The following GBE1 variants were observed in gnomAD, a reference collection of about 807,000 sequenced individuals.
GBE1 encodes the protein 1,4-alpha-glucan branching enzyme 1.
Under a neutral mutation model 88.8 loss-of-function variants are expected in GBE1, and 70 were observed. The ratio of observed to expected loss-of-function variants is 0.79; its 90% CI spans 0.65 to 0.96. GBE1 has a LOEUF of 0.96. Ranked by LOEUF, GBE1 falls within the 40% of genes least tolerant of loss-of-function variation. GBE1 has a pLI of 0.00. For synonymous variants in GBE1, 284 were observed against 300.1 expected (o/e 0.95, Z 0.56); for missense variants, 872 against 871.0 (o/e 1.00, Z -0.01).
intron 12 of GBE1, among the ~76,000 whole-genome samples, chr3:81,554,188 G>A (rs1281702647): frequency 6.6e-6 from 1 of 151,868 alleles, no homozygotes. Flanking sequence ...ATGGTGGGGG[G>A]AAAAAAATGT....
At chr3:81,627,720 C>G (rs182622320) in intron 7 of GBE1, among the ~76,000 whole-genome samples, 1 of 148,446 alleles carries the variant, frequency 6.7e-6, no homozygotes, top group Non-Finnish European at 1.5e-5. Flanking sequence ...ATGCCAAGAA[C>G]TGTTATAAGA....
chr3:81,688,393 TCACC>T (rs141605613), intron 2 of GBE1, among the ~76,000 whole-genome samples: 142 of 152,342 alleles, frequency 9.3e-4, no homozygotes, highest in African/African-American at 3.2e-3. Context: ...TAACACAGAA[TCACC>T]CACAGAATAA....
intron 14 of GBE1, among the ~76,000 whole-genome samples, chr3:81,502,338 G>T (rs1381313169): frequency 1.3e-5 from 2 of 152,102 alleles, no homozygotes; most frequent in African/African-American, 4.8e-5. Flanking sequence ...ATAATTGGTA[G>T]CCATAAAGGA....
chr3:81,715,427 C>T (rs1705926465), intron 1 of GBE1, among the ~76,000 whole-genome samples: 1 of 152,186 alleles, frequency 6.6e-6, no homozygotes, highest in South Asian at 2.1e-4. Flanking sequence ...GAGTTGCAGA[C>T]AGTTAATTCC....
At chr3:81,691,894 C>A (rs564563366) in intron 2 of GBE1, among the ~76,000 whole-genome samples, 1 of 152,176 alleles carries the variant, frequency 6.6e-6, no homozygotes, top group South Asian at 2.1e-4. Context: ...AGAGAAAACC[C>A]CACTTCTGAC....
At chr3:81,713,516 G>A (rs2107179814) in intron 1 of GBE1, among the ~76,000 whole-genome samples, 1 of 152,208 alleles carries the variant, frequency 6.6e-6, no homozygotes, top group African/African-American at 2.4e-5. Context: ...TTTACAGGGA[G>A]CAGTTTGAAC....
At chr3:81,710,127 A>G (rs1005158989) in intron 1 of GBE1, among the ~76,000 whole-genome samples, 3 of 152,112 alleles carry the variant, frequency 2.0e-5, no homozygotes, top group Non-Finnish European at 4.4e-5. Flanking sequence ...GACATCACAC[A>G]TCATTAATCA....
At chr3:81,748,147 G>A (rs1320030990) in intron 1 of GBE1, among the ~76,000 whole-genome samples, 1 of 151,854 alleles carries the variant, frequency 6.6e-6, no homozygotes, top group Non-Finnish European at 1.5e-5. Context: ...AGTGAAAAAA[G>A]AAAAATCAAT....
chr3:81,639,134 C>A (rs2107051774), intron 7 of GBE1, among the ~76,000 whole-genome samples: 1 of 152,072 alleles, frequency 6.6e-6, no homozygotes, highest in Middle Eastern at 3.4e-3. Context: ...AAATTACAGG[C>A]AGAGTAGCTA....
chr3:81,737,944 C>G (rs144324823), intron 1 of GBE1, among the ~76,000 whole-genome samples: 6,473 of 151,972 alleles, frequency 0.043, 455 homozygotes, highest in East Asian at 0.35. Context: ...GATGTTCCCC[C>G]TCCTGTGTCC....
Position 81,670,988 on chromosome 3 carries a change from T to A in GBE1, c.314-35A>T, listed in dbSNP as rs368798063. On this transcript the variant is annotated intron_variant, in intron 2 of 15. Coordinates refer to ENST00000429644, the MANE Select transcript of GBE1 (RefSeq NM_000158.4). Reference sequence around the variant, plus strand: ...TGAAGAAGATCAGTTAACAACAGCATGATAGGACTAATAGTTAATGAATTT... The same window carrying A: ...TGAAGAAGATCAGTTAACAACAGCAAGATAGGACTAATAGTTAATGAATTT... 1.1e-5 allele frequency: 11 copies of A among 974,108 alleles called. No homozygotes were observed. In the Admixed American group the frequency reaches 2.6e-4, roughly 23 times the overall value. The allele number at this position is 974,108 out of a possible 1,614,324, so 60.3% of individuals were successfully genotyped here.
At chr3:81,584,926 T>C (rs1703781384) in intron 10 of GBE1, among the ~76,000 whole-genome samples, 1 of 152,004 alleles carries the variant, frequency 6.6e-6, no homozygotes, top group African/African-American at 2.4e-5. Context: ...GATTTGTCAC[T>C]TGTGAGGGAA....
chr3:81,728,120 C>T (rs1706137672), intron 1 of GBE1, among the ~76,000 whole-genome samples: 1 of 151,888 alleles, frequency 6.6e-6, no homozygotes, highest in Admixed American at 6.6e-5. Context: ...GACAAATGAA[C>T]CAAAAGATAT....
chr3:81,609,384 C>T (rs558571831), intron 7 of GBE1, among the ~76,000 whole-genome samples: 50 of 152,180 alleles, frequency 3.3e-4, no homozygotes, highest in African/African-American at 1.2e-3. Flanking sequence ...AGGACTGGAA[C>T]ATTGGTCTAC....
At chr3:81,609,902 T>C (rs549445834) in intron 7 of GBE1, among the ~76,000 whole-genome samples, 3 of 152,292 alleles carry the variant, frequency 2.0e-5, no homozygotes, top group South Asian at 4.1e-4. Flanking sequence ...TCAGACTTGT[T>C]ACTAACATAA....
Position 81,667,283 on chromosome 3 carries a change from G to A in GBE1, c.429+3555C>T, listed in dbSNP as rs77012535. 5.5e-3 allele frequency among the ~76,000 whole-genome samples: 836 copies of A among 152,116 alleles called. 2 individuals carry two copies. Among genetic ancestry groups the A allele is most frequent in the African/African-American group, 0.019 (798 of 41,488 alleles). ...GTGTAAAGGAATGCTTGTGATTTTC[G>A]CACATTGATTTTGTATCCTGAGACT... On this transcript the variant is annotated intron_variant, in intron 3 of 15. Transcript: ENST00000429644.
At chr3:81,515,838 G>C (rs9822535) in intron 14 of GBE1, among the ~76,000 whole-genome samples, 1 of 151,456 alleles carries the variant, frequency 6.6e-6, no homozygotes, top group Non-Finnish European at 1.5e-5. Flanking sequence ...GATCAAACTA[G>C]CCACAACATT....
At chr3:81,592,980 A>T (rs13082609) in intron 8 of GBE1, among the ~76,000 whole-genome samples, 3 of 151,682 alleles carry the variant, frequency 2.0e-5, no homozygotes, top group African/African-American at 7.3e-5. Flanking sequence ...CTTGGCAGTC[A>T]CTTTTCAAGA....
chr3:81,712,666 G>A (rs951901652), intron 1 of GBE1, among the ~76,000 whole-genome samples: 2 of 151,430 alleles, frequency 1.3e-5, no homozygotes, highest in Admixed American at 6.6e-5. Context: ...GGGAAGGGGG[G>A]AGGGATAGCA....
Sources: gnomAD v4.1 joint callset for allele counts (sites outside exome capture counted in the v4.1 genomes callset) on GRCh38, gnomAD v4.1.1 for gene constraint, MANE v1.5 for transcripts, NCBI Gene and HGNC (gene_info 2026-07-23, HGNC 2026-07-21) for gene names.